The following CNTLN variants were observed in gnomAD, a reference collection of about 807,000 sequenced individuals.
CNTLN encodes centlein, centrosomal protein.
In CNTLN, 212 loss-of-function variants were observed where a neutral mutation model predicts 180.0. The observed-to-expected ratio is 1.18, with a 90% confidence interval of 1.05 to 1.32. CNTLN has a LOEUF of 1.32. Among genes scored for constraint, CNTLN ranks in the 40% most tolerant of loss-of-function variants. The pLI, the probability that CNTLN is intolerant of heterozygous loss-of-function variation, is 0.00. For synonymous variants in CNTLN, 722 were observed against 563.1 expected (o/e 1.28, Z -3.99); for missense variants, 2,095 against 1,610.9 (o/e 1.30, Z -5.14).
At chr9:17,411,021 T>A (rs553649513) in intron 16 of CNTLN, among the ~76,000 whole-genome samples, 1 of 149,748 alleles carries the variant, frequency 6.7e-6, no homozygotes, top group Non-Finnish European at 1.5e-5. Context: ...GCTTAAGTTC[T>A]ACAAAAACTT....
At chr9:17,321,153 A>G (rs1819881526) in intron 8 of CNTLN, among the ~76,000 whole-genome samples, 1 of 152,208 alleles carries the variant, frequency 6.6e-6, no homozygotes, top group African/African-American at 2.4e-5. Context: ...TTGCTTACAG[A>G]TACATATGAC....
intron 5 of CNTLN, among the ~76,000 whole-genome samples, chr9:17,261,151 T>C (rs1826942718): frequency 6.6e-6 from 1 of 151,374 alleles, no homozygotes; most frequent in African/African-American, 2.4e-5. Context: ...GATTGCTTTG[T>C]CTAATTGGGC....
intron 7 of CNTLN, chr9:17,300,397 C>G (rs1035826305): frequency 2.6e-5 from 4 of 152,048 alleles, no homozygotes; most frequent in African/African-American, 4.8e-5. Flanking sequence ...ATCTAATTGC[C>G]TACTTAATAT....
chr9:17,523,061 G>T, the CNTLN span, among the ~76,000 whole-genome samples: 3 of 152,138 alleles, frequency 2.0e-5, no homozygotes, highest in Admixed American at 2.0e-4. Context: ...CCTTTAGAAT[G>T]CAGATGCCTA....
chr9:17,205,678 A>C (rs925451031), intron 2 of CNTLN, among the ~76,000 whole-genome samples: 1 of 152,222 alleles, frequency 6.6e-6, no homozygotes, highest in Non-Finnish European at 1.5e-5. Flanking sequence ...GGTCAGTAGC[A>C]AATGGCCTTA....
intron 6 of CNTLN, among the ~76,000 whole-genome samples, chr9:17,279,411 T>C (rs979141426): frequency 4.6e-5 from 7 of 152,184 alleles, no homozygotes; most frequent in Non-Finnish European, 7.4e-5. Flanking sequence ...CCTGTTGGCA[T>C]CCAATTTAGC....
At chr9:17,354,526 G>A (rs1482793061) in intron 12 of CNTLN, among the ~76,000 whole-genome samples, 3 of 152,158 alleles carry the variant, frequency 2.0e-5, no homozygotes, top group African/African-American at 7.2e-5. Context: ...TTTAGCTCAA[G>A]GTTTGTGAGT....
chr9:17,434,505 T>C (rs1293524586), intron 18 of CNTLN, among the ~76,000 whole-genome samples: 1 of 152,098 alleles, frequency 6.6e-6, no homozygotes, highest in East Asian at 1.9e-4. Context: ...ATATATTGTT[T>C]AATTTATGAG....
chr9:17,259,216 G>C (rs1826754234), intron 5 of CNTLN, among the ~76,000 whole-genome samples: 1 of 149,774 alleles, frequency 6.7e-6, no homozygotes. Context: ...GGCCTTTTCT[G>C]CATCTATTGA....
chr9:17,220,130 A>G (rs1272638192), intron 2 of CNTLN, among the ~76,000 whole-genome samples: 2 of 152,108 alleles, frequency 1.3e-5, no homozygotes, highest in East Asian at 3.9e-4. Context: ...GGGCTGAAGA[A>G]CATGCATTTC....
rs753262420 is a variant in CNTLN at position 17,236,585 on chromosome 9, A to G, written c.846A>G (p.Ile282Met). 1.9e-6 allele frequency: 3 copies of G among 1,604,782 alleles called. No homozygotes were observed. The highest frequency in any genetic ancestry group is 2.2e-5 in the South Asian group (2 of 89,410). The part of the protein sequence containing the change: ...RKEKYSTDAK[I>M]KTFEDNLIEA... ...AAAAATATAGCACTGATGCAAAAATAAAGGTATACAATAGGAATGGAATCC... is the reference window on the plus strand; with the variant it reads ...AAAAATATAGCACTGATGCAAAAATGAAGGTATACAATAGGAATGGAATCC... The change falls in exon 5 of 26, where the codon ATA becomes ATG. Residue 282 changes from isoleucine to methionine, a missense_variant. Ile to Met is a conservative substitution (Grantham distance 10). Transcript: ENST00000380647.
chr9:17,415,797 CA>C lies in CNTLN; in HGVS notation c.2807del (p.His936LeufsTer37). The C allele has an allele frequency of 6.3e-7, 1 of 1,598,914 alleles. No homozygotes were observed. Among genetic ancestry groups the C allele is most frequent in the Non-Finnish European group, 8.6e-7 (1 of 1,167,632 alleles). ...AAATCTTCAAATTTAGGACTATTTT[CA>C]TGATAAGAATGCCAAAAAACCAACT... ...IDGKTPKDYF[H>X]DKNAKKPTFQ... On this transcript the variant is annotated frameshift_variant, in exon 17 of 26. Transcript: ENST00000380647. LOFTEE classifies it high-confidence loss of function.
chr9:17,297,010 A>T (rs574242311), intron 6 of CNTLN, among the ~76,000 whole-genome samples: 93 of 152,338 alleles, frequency 6.1e-4, no homozygotes, highest in African/African-American at 1.7e-3. Context: ...CCATTAAGAA[A>T]TACAATCTTC....
intron 8 of CNTLN, 53 bp from the exon 9 acceptor site, chr9:17,330,579 T>A (rs1820577324): frequency 6.4e-6 from 6 of 943,640 alleles, no homozygotes. Context: ...TATTTATAAA[T>A]AATGTAAGAT....
chr9:17,393,064 C>G (rs535950299), intron 14 of CNTLN, among the ~76,000 whole-genome samples: 1 of 152,132 alleles, frequency 6.6e-6, no homozygotes, highest in African/African-American at 2.4e-5. Flanking sequence ...ATCCAAGTGT[C>G]CAAGATCTGA....
At chr9:17,322,399 C>T (rs1376015278) in intron 8 of CNTLN, among the ~76,000 whole-genome samples, 2 of 152,030 alleles carry the variant, frequency 1.3e-5, no homozygotes, top group African/African-American at 4.8e-5. Flanking sequence ...ACTCCACTAT[C>T]CTGCATGAAA....
chr9:17,498,632 A>G (rs1833582408), intron 25 of CNTLN, among the ~76,000 whole-genome samples: 1 of 152,144 alleles, frequency 6.6e-6, no homozygotes, highest in African/African-American at 2.4e-5. Flanking sequence ...TCACCTGTCC[A>G]TTTTTCTCTT....
chr9:17,226,231 A>G lies in CNTLN; in HGVS notation c.478A>G (p.Arg160Gly). 1.3e-6 allele frequency: 2 copies of G among 1,581,402 alleles called. No homozygotes were observed. The highest frequency in any genetic ancestry group is 1.2e-5 in the South Asian group (1 of 84,578). ...AAAACAGAAATCTGAAGCTAAAGACAGAAAAGTTCTAGAAATTCTGCAAGT... is the reference window on the plus strand; with the variant it reads ...AAAACAGAAATCTGAAGCTAAAGACGGAAAAGTTCTAGAAATTCTGCAAGT... ...REKQKSEAKD[R>G]KVLEILQVKD... The change falls in exon 3 of 26, where the codon AGA becomes GGA. Residue 160 changes from arginine (R) to glycine (G), a missense_variant. Physicochemically the swap from Arg to Gly is moderately radical, Grantham distance 125 (BLOSUM62 -2). Transcript: ENST00000380647.
chr9:17,239,561 A>G (rs1825363735), intron 5 of CNTLN, among the ~76,000 whole-genome samples: 1 of 152,070 alleles, frequency 6.6e-6, no homozygotes, highest in Admixed American at 6.6e-5. Flanking sequence ...GGTCATGAAG[A>G]TTGACACCTT....
Sources: allele counts gnomAD v4.1 joint callset (sites outside exome capture counted in the v4.1 genomes callset), GRCh38; gene constraint gnomAD v4.1.1; transcripts MANE v1.5; gene names NCBI Gene and HGNC (gene_info 2026-07-23, HGNC 2026-07-21).